Variants in EYS observed in about 807,000 individuals in gnomAD.
EYS encodes protein eyes shut homolog.
A neutral mutation model predicts 282.1 loss-of-function variants in EYS; 250 were observed. The observed-to-expected ratio is 0.89, with a 90% CI of 0.80 to 0.98. EYS has a LOEUF of 0.98. Among genes scored for constraint, EYS ranks in the 50% least tolerant of loss-of-function variants. EYS has a pLI of 0.00. For missense variants in EYS, 4,016 were observed against 3,709.0 expected (o/e 1.08, Z -2.15); for synonymous variants, 1,355 against 1,282.9 (o/e 1.06, Z -1.20).
At position 65,426,235 on chromosome 6, in the gene EYS, T is replaced by C. The variant is rs150085448; in HGVS notation, c.863-20868A>G. Among the ~76,000 whole-genome samples, 1,184 of 152,188 alleles carry C rather than the reference T, an allele frequency of 7.8e-3. 22 individuals carry two copies. Among genetic ancestry groups the C allele is most frequent in the African/African-American group, 0.027 (1,108 of 41,528 alleles). On this transcript the variant is annotated intron_variant, in intron 5 of 42. Transcript: ENST00000503581. ...CTCAAGGGATCCTACCTTGGCCTCCTAAAGTGATGAGATTACTTAAGGCAT... is the reference window on the plus strand; with the variant it reads ...CTCAAGGGATCCTACCTTGGCCTCCCAAAGTGATGAGATTACTTAAGGCAT...
At chr6:63,994,086 A>T (rs1268930197) in intron 34 of EYS, among the ~76,000 whole-genome samples, 1 of 152,004 alleles carries the variant, frequency 6.6e-6, no homozygotes, top group African/African-American at 2.4e-5. Flanking sequence ...TTCACATGCA[A>T]AAGAGTGTCA....
Position 64,598,188 on chromosome 6 carries a change from T to C in EYS, c.3685-4879A>G, listed in dbSNP as rs192950477. On this transcript the variant is annotated intron_variant, in intron 24 of 42. Transcript: ENST00000503581. Reference sequence around the variant, plus strand: ...AAGAAAAAAGAGAAGGGGCCAGGCGTGGTGGCTCACGCCTGTAATCCCAGC... The same window carrying C: ...AAGAAAAAAGAGAAGGGGCCAGGCGCGGTGGCTCACGCCTGTAATCCCAGC... Among the ~76,000 whole-genome samples, 353 of 152,226 alleles carry C rather than the reference T, an allele frequency of 2.3e-3. 4 individuals carry two copies. The highest frequency in any genetic ancestry group is 7.8e-3 in the African/African-American group (325 of 41,560).
intron 12 of EYS, among the ~76,000 whole-genome samples, chr6:65,277,084 G>GT (rs1768068229): frequency 6.6e-6 from 1 of 152,026 alleles, no homozygotes; most frequent in African/African-American, 2.4e-5. Context: ...CCACTGGGAG[G>GT]TAACTATTAG....
At chr6:65,696,261 T>TA (rs979841527) in intron 1 of EYS, among the ~76,000 whole-genome samples, 54 of 151,950 alleles carry the variant, frequency 3.6e-4, no homozygotes, top group Middle Eastern at 3.4e-3. Context: ...TACTCCTGGT[T>TA]AAAAAAAATC....
At chr6:65,637,337 A>T (rs183165686) in intron 2 of EYS, among the ~76,000 whole-genome samples, 3 of 152,358 alleles carry the variant, frequency 2.0e-5, no homozygotes, top group Non-Finnish European at 4.4e-5. Context: ...ATTTAAAATA[A>T]TTGGCATTGG....
At chr6:64,062,316 C>G (rs544461444) in intron 33 of EYS, among the ~76,000 whole-genome samples, 1 of 152,152 alleles carries the variant, frequency 6.6e-6, no homozygotes, top group Non-Finnish European at 1.5e-5. Context: ...AAGCCTCAAG[C>G]TATGTATCTC....
intron 31 of EYS, among the ~76,000 whole-genome samples, chr6:64,094,625 C>T (rs1021920743): frequency 5.7e-4 from 86 of 152,112 alleles, no homozygotes; most frequent in African/African-American, 2.0e-3. Context: ...TTTTTTATTG[C>T]ATCTATTTGA....
intron 14 of EYS, 39 bp downstream of exon 14, chr6:64,997,543 G>T (rs980518110): frequency 6.5e-7 from 1 of 1,537,946 alleles, no homozygotes; most frequent in African/African-American, 1.4e-5. Context: ...AATTATATTA[G>T]TCCACATTTA....
intron 39 of EYS, among the ~76,000 whole-genome samples, chr6:63,782,282 A>G (rs1250859860): frequency 6.6e-6 from 1 of 152,182 alleles, no homozygotes; most frequent in Non-Finnish European, 1.5e-5. Context: ...ATTAGGGAAG[A>G]TTCCCTCTTT....
intron 19 of EYS, among the ~76,000 whole-genome samples, chr6:64,850,370 A>T (rs1290323038): frequency 6.6e-6 from 1 of 152,094 alleles, no homozygotes; most frequent in Non-Finnish European, 1.5e-5. Context: ...TAGAAACTCC[A>T]TTTCATGTAA....
intron 36 of EYS, among the ~76,000 whole-genome samples, chr6:63,811,870 A>G (rs1771055508): frequency 6.6e-6 from 1 of 152,178 alleles, no homozygotes; most frequent in South Asian, 2.1e-4. Flanking sequence ...TCAACTGACA[A>G]ACTGACGAAT....
chr6:65,198,952 A>G (rs1765835332), intron 12 of EYS, among the ~76,000 whole-genome samples: 1 of 152,214 alleles, frequency 6.6e-6, no homozygotes, highest in Admixed American at 6.6e-5. Context: ...ATGTGTGAAT[A>G]GGGAAACATG....
At chr6:64,952,578 A>G (rs1404302001) in intron 14 of EYS, among the ~76,000 whole-genome samples, 1 of 152,010 alleles carries the variant, frequency 6.6e-6, no homozygotes, top group African/African-American at 2.4e-5. Context: ...TCCACTTGGA[A>G]TGACTTTGTC....
At chr6:63,930,626 A>G (rs905894599) in intron 35 of EYS, among the ~76,000 whole-genome samples, 4 of 152,356 alleles carry the variant, frequency 2.6e-5, no homozygotes, top group Admixed American at 6.5e-5. Flanking sequence ...GAAGAAACTT[A>G]TAAAGAAGAA....
At chr6:64,366,193 G>A (rs929933658) in intron 29 of EYS, among the ~76,000 whole-genome samples, 2 of 151,992 alleles carry the variant, frequency 1.3e-5, no homozygotes, top group Admixed American at 6.6e-5. Context: ...CTCAGTGACA[G>A]CATTATGAAA....
At chr6:65,543,650 C>G (rs890511560) in intron 2 of EYS, among the ~76,000 whole-genome samples, 1 of 151,950 alleles carries the variant, frequency 6.6e-6, no homozygotes, top group Non-Finnish European at 1.5e-5. Flanking sequence ...TTAATCTTCT[C>G]CCTATGATTT....
At chr6:64,743,203 A>T (rs1262327788) in intron 22 of EYS, among the ~76,000 whole-genome samples, 1 of 152,150 alleles carries the variant, frequency 6.6e-6, no homozygotes, top group East Asian at 1.9e-4. Flanking sequence ...CATTTTAAAG[A>T]TTTACTTATT....
At chr6:64,014,945 C>A (rs1428652786) in intron 33 of EYS, among the ~76,000 whole-genome samples, 1 of 151,922 alleles carries the variant, frequency 6.6e-6, no homozygotes, top group Non-Finnish European at 1.5e-5. Context: ...TGGAGATAAC[C>A]AAGACATGTA....
intron 2 of EYS, among the ~76,000 whole-genome samples, chr6:65,574,543 T>A (rs1348675889): frequency 1.3e-5 from 2 of 152,076 alleles, no homozygotes; most frequent in African/African-American, 4.8e-5. Flanking sequence ...AGAAGGGCAA[T>A]ATATAATGAT....
Sources: gnomAD v4.1 joint callset for allele counts (sites outside exome capture counted in the v4.1 genomes callset) on GRCh38, gnomAD v4.1.1 for gene constraint, MANE v1.5 for transcripts, NCBI Gene and HGNC (gene_info 2026-07-23, HGNC 2026-07-21) for gene names.